The following GALNS variants were observed in gnomAD, a reference collection of about 807,000 sequenced individuals.
GALNS encodes N-acetylgalactosamine-6-sulfatase.
Under a neutral mutation model 65.9 loss-of-function variants are expected in GALNS, and 65 were observed. The ratio of observed to expected loss-of-function variants is 0.99; its 90% CI spans 0.81 to 1.21. The LOEUF is 1.21. GALNS is among the 50% of genes most tolerant of loss of function. The pLI is 0.00. For missense variants in GALNS, 776 were observed against 700.7 expected, an observed-to-expected ratio of 1.11 and a Z score of -1.21; for synonymous variants, 346 against 288.9, an observed-to-expected ratio of 1.20 and a Z score of -2.00.
chr16:88,814,906 T>A (rs1909471358), intron 13 of GALNS: 1 of 442,304 alleles, frequency 2.3e-6, no homozygotes, highest in African/African-American at 2.1e-5. Flanking sequence ...ACCATTTTTG[T>A]ATTTTTGGTA....
Position 88,835,315 on chromosome 16 carries a change from C to T in GALNS, c.796G>A (p.Gly266Arg), listed in dbSNP as rs1420042154. Residue 266 changes from glycine to arginine, a missense_variant, in exon 8 of 14, where the codon GGG (glycine) becomes AGG (arginine). Coordinates refer to ENST00000268695, the MANE Select transcript of GALNS (RefSeq NM_000512.5). Reference protein sequence around the residue: ...DAVREIDDSIGKILELLQDLH... With the variant: ...DAVREIDDSIRKILELLQDLH... ...TCTTGGAGGAGCTCCAGTATCTTCC[C>T]AATGCTGTCATCAATCTCCCGGACG... 2 of 1,613,636 alleles carry T rather than the reference C, an allele frequency of 1.2e-6. No individual in the cohort carries two copies. The highest frequency in any genetic ancestry group is 1.7e-6 in the Non-Finnish European group (2 of 1,179,858).
At chr16:88,825,530 C>T (rs1308096252) in intron 10 of GALNS, among the ~76,000 whole-genome samples, 1 of 114,038 alleles carries the variant, frequency 8.8e-6, no homozygotes, top group African/African-American at 3.3e-5. Flanking sequence ...GGTTTCTGGG[C>T]AGCCGGGGCT....
intron 4 of GALNS, 105 bp downstream of exon 4, chr16:88,840,887 C>T (rs113735398): frequency 4.4e-6 from 4 of 912,198 alleles, no homozygotes; most frequent in African/African-American, 1.6e-5. Flanking sequence ...CGTTTCCCAC[C>T]CAAGACACCC....
intron 5 of GALNS, among the ~76,000 whole-genome samples, chr16:88,836,656 G>GA (rs915738585): frequency 0.024 from 2,897 of 122,778 alleles, 79 homozygotes; most frequent in African/African-American, 0.073. Context: ...CCTGTCTCAA[G>GA]AAAAAAAAAA....
intron 8 of GALNS, 77 bp from the exon 9 acceptor site, chr16:88,832,178 C>T (rs1597559984): frequency 1.5e-6 from 2 of 1,290,482 alleles, no homozygotes; most frequent in South Asian, 1.2e-5. Context: ...CACTGAGTCA[C>T]TGAGACTGGT....
intron 13 of GALNS, chr16:88,815,970 G>A (rs1909579208): frequency 3.0e-6 from 3 of 985,308 alleles, no homozygotes; most frequent in Admixed American, 1.2e-4. Context: ...CTCTCCTGGG[G>A]CTGGCCTGGA....
chr16:88,825,995 G>C (rs1278157458), intron 10 of GALNS, among the ~76,000 whole-genome samples: 1 of 152,180 alleles, frequency 6.6e-6, no homozygotes, highest in Non-Finnish European at 1.5e-5. Context: ...TCAGGGGGTA[G>C]GAAATGGACT....
chr16:88,832,762 G>T (rs1293177588), intron 8 of GALNS, among the ~76,000 whole-genome samples: 1 of 152,082 alleles, frequency 6.6e-6, no homozygotes, highest in Non-Finnish European at 1.5e-5. Flanking sequence ...GAATAAAAGG[G>T]AAAAAGGAAA....
chr16:88,816,650 G>A lies in GALNS; in HGVS notation c.1482+1357C>T, dbSNP rs147207266. 7.2e-3 allele frequency: 7,129 copies of A among 985,334 alleles called. 30 individuals carry two copies. Among genetic ancestry groups the A allele is most frequent in the Non-Finnish European group, 8.1e-3 (6,694 of 829,916 alleles). 61.0% of individuals were successfully genotyped at this position (985,334 alleles called of 1,614,324 possible). On this transcript the variant is annotated intron_variant, in intron 13 of 13. Transcript: ENST00000268695. The stretch of plus-strand genomic sequence containing the variant: ...GTCCTCACTGCTGGTAGGTGCTCCC[G>A]ATGGCCGGTGCTCTCCTGTTACATC...
intron 1 of GALNS, chr16:88,843,481 G>A (rs1272442303): frequency 1.5e-5 from 5 of 333,766 alleles, no homozygotes; most frequent in Admixed American, 7.8e-5. Flanking sequence ...ACGTGGGTGT[G>A]GCCACATTTG....
intron 1 of GALNS, among the ~76,000 whole-genome samples, chr16:88,847,052 A>G (rs149625979): frequency 0.016 from 2,461 of 152,258 alleles, 51 homozygotes; most frequent in African/African-American, 0.057. Flanking sequence ...CAGCCCAGCC[A>G]TGTCTGGCAG....
intron 3 of GALNS, 73 bp from the exon 4 acceptor site, chr16:88,841,167 C>A: frequency 8.6e-7 from 1 of 1,163,490 alleles, no homozygotes; most frequent in Non-Finnish European, 1.3e-6. Flanking sequence ...TAACAGGACA[C>A]TGGGGGCTGC....
chr16:88,826,309 T>A (rs1045206648), intron 10 of GALNS, among the ~76,000 whole-genome samples: 4 of 121,306 alleles, frequency 3.3e-5, no homozygotes, highest in African/African-American at 1.3e-4. Flanking sequence ...AGGGGCGGCG[T>A]GTGTCTGGGT....
In GALNS at chr16:88,832,004, T is replaced by G; in HGVS notation, c.996A>C (p.Ala332=). ...CCGGTGGACGCTGACTCACCTGGCC[T>G]GCAGTGACGTGCCCTGGCCACCATG... The part of the protein sequence containing the change: ...ALAWWPGHVT[A]GQVSHQLGSI... The change falls in exon 9 of 14, where the codon GCA becomes GCC. Residue 332 remains alanine, a synonymous_variant. Transcript: ENST00000268695. The G allele has an allele frequency of 1.9e-6, 3 of 1,613,176 alleles. No homozygotes were observed. Among genetic ancestry groups the G allele is most frequent in the Non-Finnish European group, 2.5e-6 (3 of 1,179,626 alleles).
rs1048442120 is a variant in GALNS at position 88,816,141 on chromosome 16, G to A, written c.1483-1616C>T. The A allele has an allele frequency of 3.0e-6, 3 of 985,350 alleles. No homozygotes were observed. The African/African-American group carries it at 5.2e-5, about 17-fold the overall frequency. The allele number at this position is 985,350 out of a possible 1,614,324, so 61.0% of individuals were successfully genotyped here. On this transcript the variant is annotated intron_variant, in intron 13 of 13. Transcript: ENST00000268695. ...CTGAGTTGGCACTTTTCCCCCTGCA[G>A]AGAGCACAGGTGTGGCGGTGGGGGC...
At chr16:88,852,017 C>T (rs1449702962) in intron 1 of GALNS, among the ~76,000 whole-genome samples, 1 of 152,238 alleles carries the variant, frequency 6.6e-6, no homozygotes, top group East Asian at 1.9e-4. Flanking sequence ...GTTCTCCCGG[C>T]ACAGTGTTTG....
In GALNS at chr16:88,815,186, T is replaced by C. The variant is rs1338683451; in HGVS notation, c.1483-661A>G. The C allele has an allele frequency of 4.1e-6, 4 of 985,334 alleles. No homozygotes were observed. The African/African-American group carries it at 5.2e-5, about 13-fold the overall frequency. The allele number at this position is 985,334 out of a possible 1,614,324, so 61.0% of individuals were successfully genotyped here. A position where few individuals can be genotyped will look rare whatever the true frequency, so the allele number is the denominator to read the frequency against. ...GAGATGGCACCCTCTTGACTCGGCC[T>C]CTCAGCTCTGAAGGCTGCCATTGGA... On this transcript the variant is annotated intron_variant, in intron 13 of 13. Coordinates refer to ENST00000268695, the MANE Select transcript of GALNS (RefSeq NM_000512.5).
At chr16:88,850,917 A>G (rs1472508202) in intron 1 of GALNS, among the ~76,000 whole-genome samples, 5 of 152,198 alleles carry the variant, frequency 3.3e-5, no homozygotes, top group African/African-American at 9.6e-5. Flanking sequence ...AGCTGCTCCT[A>G]TCAGCGAACA....
chr16:88,840,783 G>A (rs972468589), intron 4 of GALNS: 3 of 606,632 alleles, frequency 4.9e-6, no homozygotes, highest in Non-Finnish European at 8.9e-6. Flanking sequence ...TCGCGGCCGT[G>A]GGACCAGCCT....
Sources: gnomAD v4.1 joint callset for allele counts (sites outside exome capture counted in the v4.1 genomes callset) on GRCh38, gnomAD v4.1.1 for gene constraint, MANE v1.5 for transcripts, NCBI Gene and HGNC (gene_info 2026-07-23, HGNC 2026-07-21) for gene names.